Variants in RBFOX1 observed in about 807,000 individuals in gnomAD.
RBFOX1 encodes RNA binding protein fox-1 homolog 1.
RBFOX1 carries 8 observed loss-of-function variants against 57.7 expected under a neutral mutation model. That is an observed-to-expected ratio of 0.14 (90% CI 0.08 to 0.25). The LOEUF (loss-of-function observed/expected upper bound fraction) is 0.25. RBFOX1 is among the 10% of genes least tolerant of loss of function. The pLI is 1.00. For missense variants in RBFOX1, 611 were observed against 548.5 expected (o/e 1.11, Z -1.14); for synonymous variants, 326 against 222.4 (o/e 1.47, Z -4.15).
At chr16:5,341,528 T>G (rs115510325) in intron 1 of RBFOX1, among the ~76,000 whole-genome samples, 3,770 of 152,178 alleles carry the variant, frequency 0.025, 159 homozygotes, top group African/African-American at 0.086. Flanking sequence ...GGAAAAGAAC[T>G]GAGATATTCC....
chr16:5,771,866 T>C (rs1310215160), intron 3 of RBFOX1, among the ~76,000 whole-genome samples: 2 of 151,978 alleles, frequency 1.3e-5, no homozygotes, highest in African/African-American at 4.8e-5. Flanking sequence ...TCAATCAGTA[T>C]GGTACCTTTT....
At position 6,988,743 on chromosome 16, in the gene RBFOX1, G is replaced by GT. The variant is rs1414416978; in HGVS notation, c.-15-63311dup. Among the ~76,000 whole-genome samples the GT allele has an allele frequency of 6.7e-4, 28 of 41,842 alleles. 3 individuals carry two copies. Among genetic ancestry groups the GT allele is most frequent in the African/African-American group, 1.3e-3 (23 of 17,444 alleles). 27.4% of individuals were successfully genotyped at this position (41,842 alleles called of 152,430 possible). A position where few individuals can be genotyped will look rare whatever the true frequency, so the allele number is the denominator to read the frequency against. ...TCACACCCAGCTAATTTTTTTTTTT[G>GT]TTTGTTTGTTTTTTGTTTTTTGTTT... On this transcript the variant is annotated intron_variant, in intron 3 of 15. Transcript: ENST00000550418.
At chr16:6,237,772 T>A (rs897128209) in intron 1 of RBFOX1, among the ~76,000 whole-genome samples, 1 of 151,670 alleles carries the variant, frequency 6.6e-6, no homozygotes, top group Admixed American at 6.6e-5. Context: ...TAAAATTAAA[T>A]TAAATGAAAT....
intron 2 of RBFOX1, among the ~76,000 whole-genome samples, chr16:6,456,183 A>G (rs995158015): frequency 6.6e-6 from 1 of 152,228 alleles, no homozygotes; most frequent in South Asian, 2.1e-4. Flanking sequence ...AATACTATTA[A>G]GACCAAGTCC....
At chr16:5,686,879 A>G (rs1420703859) in intron 3 of RBFOX1, among the ~76,000 whole-genome samples, 1 of 152,216 alleles carries the variant, frequency 6.6e-6, no homozygotes, top group Admixed American at 6.5e-5. Flanking sequence ...CTACTGTTGA[A>G]AAAGGAGGAG....
intron 2 of RBFOX1, among the ~76,000 whole-genome samples, chr16:5,490,660 A>G (rs1382830885): frequency 6.6e-6 from 1 of 152,098 alleles, no homozygotes; most frequent in Non-Finnish European, 1.5e-5. Flanking sequence ...AGCTCCGAGC[A>G]TCTCTGCAGA....
Position 6,600,024 on chromosome 16 carries a change from C to G in RBFOX1, c.-63-54579C>G, listed in dbSNP as rs948009993. Among the ~76,000 whole-genome samples the G allele has an allele frequency of 1.8e-4, 27 of 152,292 alleles. 1 individual carries two copies. Among genetic ancestry groups the G allele is most frequent in the African/African-American group, 6.0e-4 (25 of 41,568 alleles). On this transcript the variant is annotated intron_variant, in intron 2 of 15. Coordinates refer to ENST00000550418, the MANE Select transcript of RBFOX1 (RefSeq NM_018723.4). Reference sequence around the variant, plus strand: ...CTTCTTCCCAAAGCCCAGATAACTGCAAAGGGCATCTGGGTGGCACTGCTG... The same window carrying G: ...CTTCTTCCCAAAGCCCAGATAACTGGAAAGGGCATCTGGGTGGCACTGCTG...
intron 4 of RBFOX1, among the ~76,000 whole-genome samples, chr16:5,953,874 A>G (rs552375454): frequency 2.0e-5 from 3 of 152,250 alleles, no homozygotes; most frequent in East Asian, 1.9e-4. Context: ...GGATTGCTGT[A>G]TACTTACACT....
At chr16:7,644,057 T>TG in intron 11 of RBFOX1, among the ~76,000 whole-genome samples, 1 of 152,166 alleles carries the variant, frequency 6.6e-6, no homozygotes, top group South Asian at 2.1e-4. Flanking sequence ...GAATCCAAAC[T>TG]GAGAGTCTCT....
At chr16:7,051,868 C>A (rs992314701) in intron 3 of RBFOX1, among the ~76,000 whole-genome samples, 189 bp from the exon 4 acceptor site, 1 of 152,150 alleles carries the variant, frequency 6.6e-6, no homozygotes, top group Non-Finnish European at 1.5e-5. Context: ...CCTAGCTGTG[C>A]TTCTGAATCA....
At chr16:6,874,316 G>T (rs2061446711) in intron 3 of RBFOX1, among the ~76,000 whole-genome samples, 1 of 151,848 alleles carries the variant, frequency 6.6e-6, no homozygotes, top group Admixed American at 6.6e-5. Context: ...TTTGAGACCA[G>T]CCTGGCCAAC....
At chr16:6,719,425 C>G (rs1387060625) in intron 3 of RBFOX1, among the ~76,000 whole-genome samples, 1 of 150,066 alleles carries the variant, frequency 6.7e-6, no homozygotes, top group Non-Finnish European at 1.5e-5. Flanking sequence ...AGCATAGTTT[C>G]CTCATCTTCA....
At chr16:7,017,384 GCTCT>G (rs1189839833) in intron 3 of RBFOX1, among the ~76,000 whole-genome samples, 1 of 152,122 alleles carries the variant, frequency 6.6e-6, no homozygotes, top group Non-Finnish European at 1.5e-5. Context: ...GAAATTTATG[GCTCT>G]CTAATAACGA....
chr16:6,173,889 T>G (rs1338903874), intron 1 of RBFOX1, among the ~76,000 whole-genome samples: 1 of 151,058 alleles, frequency 6.6e-6, no homozygotes, highest in Non-Finnish European at 1.5e-5. Flanking sequence ...TTTTGTTTGT[T>G]TGTTTGTTTG....
chr16:5,241,263 C>T (rs1429743445), intron 1 of RBFOX1, among the ~76,000 whole-genome samples: 2 of 152,178 alleles, frequency 1.3e-5, no homozygotes, highest in African/African-American at 4.8e-5. Context: ...GAGCTTGGGT[C>T]ACCTGGACAC....
At chr16:7,388,684 C>T (rs1012692417) in intron 4 of RBFOX1, among the ~76,000 whole-genome samples, 5 of 109,244 alleles carry the variant, frequency 4.6e-5, no homozygotes, top group South Asian at 3.1e-4. Flanking sequence ...TTATGAATGA[C>T]GTGAAACCTT....
chr16:7,458,711 C>G (rs35254982), intron 4 of RBFOX1, among the ~76,000 whole-genome samples: 52,463 of 151,856 alleles, frequency 0.35, 10,482 homozygotes, highest in Non-Finnish European at 0.46. Context: ...CACTCCCTCT[C>G]CTCCTTCTCA....
chr16:6,862,132 A>G (rs527492086), intron 3 of RBFOX1, among the ~76,000 whole-genome samples: 2 of 152,302 alleles, frequency 1.3e-5, no homozygotes, highest in Admixed American at 6.5e-5. Flanking sequence ...CAGCAACAAT[A>G]ACAACAAAAG....
At chr16:6,575,132 A>G (rs1303299240) in intron 2 of RBFOX1, among the ~76,000 whole-genome samples, 2 of 151,810 alleles carry the variant, frequency 1.3e-5, no homozygotes, top group African/African-American at 2.4e-5. Flanking sequence ...AGGCGACAGG[A>G]CAGATTACGA....
Sources: gnomAD v4.1 joint callset for allele counts (sites outside exome capture counted in the v4.1 genomes callset) on GRCh38, gnomAD v4.1.1 for gene constraint, MANE v1.5 for transcripts, NCBI Gene and HGNC (gene_info 2026-07-23, HGNC 2026-07-21) for gene names.